The following LRP8 variants were observed in gnomAD, a reference collection of about 807,000 sequenced individuals.
LRP8 encodes low-density lipoprotein receptor-related protein 8.
In LRP8, 46 loss-of-function variants were observed where a neutral mutation model predicts 111.6. The ratio of observed to expected loss-of-function variants is 0.41; its 90% CI spans 0.33 to 0.53. LRP8 has a LOEUF of 0.53. LRP8 is among the 20% of genes least tolerant of loss of function. The pLI is 0.20. For synonymous variants in LRP8, 464 were observed against 511.2 expected (o/e 0.91, Z 1.24); for missense variants, 959 against 1,297.4 (o/e 0.74, Z 4.01).
At chr1:53,255,322 T>C in intron 15 of LRP8, 137 bp from the exon 16 acceptor site, 2 of 741,682 alleles carry the variant, frequency 2.7e-6, no homozygotes, top group Non-Finnish European at 4.6e-6. Flanking sequence ...GCCTAATAAT[T>C]CAGTCTTTCC....
intron 2 of LRP8, among the ~76,000 whole-genome samples, chr1:53,300,649 C>T (rs1376356140): frequency 1.3e-5 from 2 of 152,222 alleles, no homozygotes; most frequent in Non-Finnish European, 1.5e-5. Context: ...CCCAGCAGCT[C>T]AGTAAGCCAG....
chr1:53,293,888 T>C lies in LRP8; in HGVS notation c.245-4199A>G, dbSNP rs1409507234. ...GGCAAGTGGGGATGTGGCTTTCCCA[T>C]GCAGCTTTGTCACAAGGACAAAAGG... On this transcript the variant is annotated intron_variant, in intron 2 of 18. Coordinates refer to ENST00000306052, the MANE Select transcript of LRP8 (RefSeq NM_004631.5). The surrounding 1 kb of genome is among the most constrained non-coding windows in gnomAD (Gnocchi z 4.9). Among the ~76,000 whole-genome samples, 1 of 152,226 alleles carries C rather than the reference T, an allele frequency of 6.6e-6. No homozygotes were observed. Among genetic ancestry groups the C allele is most frequent in the Non-Finnish European group, 1.5e-5 (1 of 68,046 alleles).
chr1:53,274,039 G>A (rs1646841711), intron 6 of LRP8, among the ~76,000 whole-genome samples: 1 of 152,146 alleles, frequency 6.6e-6, no homozygotes, highest in Admixed American at 6.5e-5. Context: ...TCTCTGGGAT[G>A]CCCACCCTAC....
intron 15 of LRP8, among the ~76,000 whole-genome samples, chr1:53,256,870 A>G (rs938620584): frequency 2.6e-5 from 4 of 152,118 alleles, no homozygotes; most frequent in African/African-American, 9.7e-5. Flanking sequence ...TTTGTGAAAC[A>G]TAGACACACA....
At chr1:53,308,757 C>T (rs2100516624) in intron 2 of LRP8, among the ~76,000 whole-genome samples, 1 of 152,314 alleles carries the variant, frequency 6.6e-6, no homozygotes, top group Middle Eastern at 3.4e-3. Flanking sequence ...CACAGGAAGC[C>T]AGAGCCTCTG....
intron 2 of LRP8, among the ~76,000 whole-genome samples, chr1:53,313,472 T>C (rs1653368739): frequency 6.6e-6 from 1 of 152,116 alleles, no homozygotes; most frequent in Non-Finnish European, 1.5e-5. Flanking sequence ...CCCTGAGGCT[T>C]GTGGACTGCA....
In LRP8 at chr1:53,262,355, G is replaced by A. The variant is rs1296355099; in HGVS notation, c.1774+91C>T. ...GGAAACAAAGTCACTGGCACCATGA[G>A]AGGACCCAGAAACAAGACTCATGGA... On this transcript the variant is annotated intron_variant, in intron 11 of 18. Transcript: ENST00000306052. The surrounding 1 kb of genome is among the most constrained non-coding windows in gnomAD (Gnocchi z 4.8). 2.6e-6 allele frequency: 4 copies of A among 1,517,676 alleles called. No homozygotes were observed. The highest frequency in any genetic ancestry group is 1.1e-5 in the South Asian group (1 of 87,612). The allele number at this position is 1,517,676 out of a possible 1,614,324, so 94.0% of individuals were successfully genotyped here.
At position 53,246,801 on chromosome 1, in the gene LRP8, A is replaced by G. The variant is rs1361374985; in HGVS notation, c.*217T>C. On this transcript the variant is annotated 3_prime_UTR_variant, in exon 19 of 19. Transcript: ENST00000306052. ...TGCAACCAGTTAAAAAGTGTATAAA[A>G]CATTATACATAGAAAAACTCTCACA... 5.5e-6 allele frequency: 3 copies of G among 548,156 alleles called. No homozygotes were observed. The highest frequency in any genetic ancestry group is 9.5e-6 in the Non-Finnish European group (3 of 315,576). The allele number at this position is 548,156 out of a possible 1,614,324, so 34.0% of individuals were successfully genotyped here.
chr1:53,275,902 G>A lies in LRP8; in HGVS notation c.884-149C>T, dbSNP rs112320983. The A allele has an allele frequency of 3.2e-6, 3 of 947,538 alleles. No individual in the cohort carries two copies. Among genetic ancestry groups the A allele is most frequent in the African/African-American group, 1.6e-5 (1 of 60,988 alleles). 58.7% of individuals were successfully genotyped at this position (947,538 alleles called of 1,614,324 possible). On this transcript the variant is annotated intron_variant, in intron 5 of 18. Transcript: ENST00000306052. This position sits in a 1 kb window ranked among gnomAD's most constrained non-coding sequence, Gnocchi z 4.4. ...AGTCCTCAAAGGACACCTGGCCAAG[G>A]CACCTCAGTGTACAGATGGGGAGAC...
intron 8 of LRP8, among the ~76,000 whole-genome samples, chr1:53,268,965 C>T (rs1389890769): frequency 6.6e-6 from 1 of 152,198 alleles, no homozygotes; most frequent in Non-Finnish European, 1.5e-5. Flanking sequence ...TCTCCCTTGT[C>T]CTCTACAGTC....
chr1:53,308,130 GC>G (rs1652330822), intron 2 of LRP8, among the ~76,000 whole-genome samples: 1 of 152,256 alleles, frequency 6.6e-6, no homozygotes, highest in South Asian at 2.1e-4. Context: ...CTGCAGCGAG[GC>G]TTTCCTGACA....
At chr1:53,261,277 G>A (rs549129758) in intron 12 of LRP8, among the ~76,000 whole-genome samples, 22 of 152,328 alleles carry the variant, frequency 1.4e-4, no homozygotes, top group African/African-American at 5.3e-4. Flanking sequence ...TACTTTACAT[G>A]TACATGCCAT....
intron 2 of LRP8, among the ~76,000 whole-genome samples, chr1:53,322,908 C>T (rs935761407): frequency 1.3e-5 from 2 of 152,166 alleles, no homozygotes; most frequent in Non-Finnish European, 2.9e-5. Context: ...AACTCTCAGC[C>T]ATGGGAGACC....
chr1:53,256,136 G>A (rs1325335675), intron 15 of LRP8, among the ~76,000 whole-genome samples: 1 of 152,210 alleles, frequency 6.6e-6, no homozygotes, highest in African/African-American at 2.4e-5. Flanking sequence ...AGATCCTCCT[G>A]ACAGCTCCCT....
intron 3 of LRP8, among the ~76,000 whole-genome samples, chr1:53,282,036 A>T (rs1647130076): frequency 6.6e-6 from 1 of 152,226 alleles, no homozygotes; most frequent in Non-Finnish European, 1.5e-5. Flanking sequence ...CCCCGGAGGC[A>T]GTGGGCTACT....
intron 8 of LRP8, chr1:53,268,105 A>G (rs1192155498): frequency 1.3e-5 from 2 of 152,456 alleles, no homozygotes; most frequent in African/African-American, 4.8e-5. Context: ...TGGTACAAAT[A>G]GCATGGAGAA....
intron 2 of LRP8, among the ~76,000 whole-genome samples, chr1:53,312,126 A>G (rs1273043725): frequency 1.3e-5 from 2 of 152,238 alleles, no homozygotes; most frequent in East Asian, 3.8e-4. Flanking sequence ...AGGCAGGCCC[A>G]TGAATGTTAT....
intron 16 of LRP8, among the ~76,000 whole-genome samples, chr1:53,252,428 C>T (rs1160744295): frequency 6.6e-6 from 1 of 151,822 alleles, no homozygotes; most frequent in South Asian, 2.1e-4. Context: ...CCCAGCTACT[C>T]GGGATGCTGA....
chr1:53,269,940 T>C (rs935115465), intron 8 of LRP8, among the ~76,000 whole-genome samples: 50 of 152,206 alleles, frequency 3.3e-4, no homozygotes, highest in African/African-American at 1.1e-3. Flanking sequence ...GCTGGCTGAA[T>C]TGATCAATGT....
Sources: gnomAD v4.1 joint callset for allele counts (sites outside exome capture counted in the v4.1 genomes callset) on GRCh38, gnomAD v4.1.1 for gene constraint, Gnocchi (gnomAD v3.1) non-coding constraint, MANE v1.5 for transcripts, NCBI Gene and HGNC (gene_info 2026-07-23, HGNC 2026-07-21) for gene names.